Variants in STK40 observed in about 807,000 individuals in gnomAD.
STK40 encodes the protein serine/threonine kinase 40.
In STK40, 13 loss-of-function variants were observed where a neutral mutation model predicts 47.9. That is an observed-to-expected ratio of 0.27 (90% CI 0.18 to 0.43). The LOEUF (loss-of-function observed/expected upper bound fraction) is 0.43. STK40 is among the 20% of genes least tolerant of loss of function. The probability of loss-of-function intolerance (pLI) is 1.00; values close to 1 mark genes in which losing one functional copy is unlikely to be tolerated. For missense variants in STK40, 460 were observed against 595.1 expected, an observed-to-expected ratio of 0.77 and a Z score of 2.36; for synonymous variants, 225 against 243.2, an observed-to-expected ratio of 0.93 and a Z score of 0.69.
chr1:36,382,147 C>CA (rs1161536728), intron 1 of STK40, among the ~76,000 whole-genome samples: 2 of 152,016 alleles, frequency 1.3e-5, no homozygotes, highest in Non-Finnish European at 2.9e-5. Context: ...CAGGGACACA[C>CA]AGAGAAGAAA....
At chr1:36,358,123 A>G (rs1646820490) in intron 4 of STK40, 116 bp downstream of exon 4, 4 of 1,317,626 alleles carry the variant, frequency 3.0e-6, no homozygotes, top group Admixed American at 2.7e-5. Flanking sequence ...TGTACCTAGC[A>G]TGGCAGGGAC....
At chr1:36,358,476 CAT>C (rs1325568928) in intron 3 of STK40, 94 bp from the exon 4 acceptor site, 55 of 1,494,286 alleles carry the variant, frequency 3.7e-5, no homozygotes, top group Non-Finnish European at 4.8e-5. Context: ...CTTTTTACCA[CAT>C]GACATTTGTG....
intron 4 of STK40, among the ~76,000 whole-genome samples, chr1:36,356,870 A>C (rs1646810856): frequency 6.6e-6 from 1 of 152,194 alleles, no homozygotes; most frequent in Non-Finnish European, 1.5e-5. Flanking sequence ...AAGCTTCTGA[A>C]GATATCACAG....
At chr1:36,352,229 T>C (rs2124731528) in intron 6 of STK40, among the ~76,000 whole-genome samples, 1 of 152,310 alleles carries the variant, frequency 6.6e-6, no homozygotes, top group South Asian at 2.1e-4. Context: ...TCTCCAGAGA[T>C]GTGAGCCCAT....
chr1:36,385,700 C>G (rs972145220), intron 1 of STK40, 23 bp downstream of exon 1: 1 of 153,674 alleles, frequency 6.5e-6, no homozygotes, highest in Non-Finnish European at 1.4e-5. Context: ...CCCGGCTCCC[C>G]GCTCCTGGAC....
intron 1 of STK40, among the ~76,000 whole-genome samples, chr1:36,373,367 A>G (rs1214736492): frequency 6.6e-6 from 1 of 152,036 alleles, no homozygotes; most frequent in Non-Finnish European, 1.5e-5. Flanking sequence ...TGTTTCCCAG[A>G]TTCTCTCTTT....
At chr1:36,383,604 C>T (rs1305101666) in intron 1 of STK40, among the ~76,000 whole-genome samples, 2 of 152,254 alleles carry the variant, frequency 1.3e-5, no homozygotes, top group African/African-American at 2.4e-5. Flanking sequence ...CCCTCCTCTA[C>T]TGGGACTCCA....
chr1:36,380,277 G>C (rs995498444), intron 1 of STK40, among the ~76,000 whole-genome samples: 1 of 152,102 alleles, frequency 6.6e-6, no homozygotes, highest in African/African-American at 2.4e-5. Flanking sequence ...ACAAACCCAA[G>C]GACAAATCAT....
intron 1 of STK40, among the ~76,000 whole-genome samples, chr1:36,367,001 AT>A (rs1273810393): frequency 0.023 from 3,110 of 134,508 alleles, 80 homozygotes; most frequent in African/African-American, 0.072. Context: ...CACCCAGCTA[AT>A]TTTTTTTTTT....
In STK40 at chr1:36,361,223, A is replaced by G; in HGVS notation, c.110T>C (p.Leu37Pro). The change falls in exon 2 of 11, where the codon CTT becomes CCT. Residue 37 changes from leucine (L) to proline (P), a missense_variant and splice_region_variant. By Grantham distance (98) the Leu-to-Pro change is moderately conservative (BLOSUM62 -3). This residue lies in a region of STK40 where 277 missense variants were observed against 358.7 expected (regional missense o/e 0.77). Coordinates refer to ENST00000373132, the MANE Select transcript of STK40 (RefSeq NM_001282547.2). ...TTTCCCAAAGGTCAGAGGCTTACCA[A>G]GGATGAATGGTCCAGCTCTCTTTGC... ...NNAKRAGPFI[L>P]GPRLGNSPVP... 1 of 1,614,164 alleles carries G rather than the reference A, an allele frequency of 6.2e-7. No individual in the cohort carries two copies. The highest frequency in any genetic ancestry group is 1.1e-5 in the South Asian group (1 of 91,084).
At chr1:36,345,988 TATA>T (rs1265262657) in intron 7 of STK40, among the ~76,000 whole-genome samples, 4 of 28,216 alleles carry the variant, frequency 1.4e-4, no homozygotes, top group African/African-American at 2.1e-4. Flanking sequence ...TATATATATA[TATA>T]TTTTTTTTTT....
At chr1:36,372,378 A>G in intron 1 of STK40, among the ~76,000 whole-genome samples, 1 of 145,784 alleles carries the variant, frequency 6.9e-6, no homozygotes, top group East Asian at 2.0e-4. Context: ...TGCGTGAGCC[A>G]TGACAGCACC....
chr1:36,364,115 T>TC (rs563597065), intron 1 of STK40, among the ~76,000 whole-genome samples: 83 of 150,552 alleles, frequency 5.5e-4, no homozygotes, highest in Middle Eastern at 7.1e-3. Flanking sequence ...CGCACCACTG[T>TC]ACTCCAGCCT....
At chr1:36,343,824 G>A (rs557284870) in intron 9 of STK40, 36 bp downstream of exon 9, 69 of 1,542,688 alleles carry the variant, frequency 4.5e-5, no homozygotes, top group South Asian at 3.5e-4. Context: ...CCCTGAGGAC[G>A]CAGCCTTGTG....
intron 1 of STK40, among the ~76,000 whole-genome samples, chr1:36,378,703 C>A (rs182099776): frequency 6.6e-6 from 1 of 152,102 alleles, no homozygotes; most frequent in South Asian, 2.1e-4. Context: ...GTGATCTGCC[C>A]GCCTCGGCCT....
rs539981158 is a variant in STK40, at chr1:36,342,421, A to G, written c.1090-448T>C. ...CCCTGGGATGGTCTAGGCAGATGGTAACAGAAGCTGAAGTGGTGTCCCCGT... is the reference window on the plus strand; with the variant it reads ...CCCTGGGATGGTCTAGGCAGATGGTGACAGAAGCTGAAGTGGTGTCCCCGT... On this transcript the variant is annotated intron_variant, in intron 10 of 10. Transcript: ENST00000373132. The G allele has an allele frequency of 4.3e-4, 83 of 192,472 alleles. No homozygotes were observed. The South Asian group carries it at 7.1e-3, about 17-fold the overall frequency. 11.9% of individuals were successfully genotyped at this position (192,472 alleles called of 1,614,324 possible). A position where few individuals can be genotyped will look rare whatever the true frequency, so the allele number is the denominator to read the frequency against.
chr1:36,358,971 G>T, intron 2 of STK40, 149 bp from the exon 3 acceptor site: 2 of 745,942 alleles, frequency 2.7e-6, no homozygotes, highest in Non-Finnish European at 4.3e-6. Flanking sequence ...TCCTGGTGGA[G>T]AGTTTTCAAG....
At chr1:36,379,086 T>C (rs1647017196) in intron 1 of STK40, among the ~76,000 whole-genome samples, 1 of 152,210 alleles carries the variant, frequency 6.6e-6, no homozygotes, top group Non-Finnish European at 1.5e-5. Context: ...GTCCTGCTCT[T>C]GCCAATTCCC....
chr1:36,378,993 C>A (rs547179520), intron 1 of STK40, among the ~76,000 whole-genome samples: 3 of 152,300 alleles, frequency 2.0e-5, no homozygotes, highest in African/African-American at 7.2e-5. Context: ...AGGCGCTGAA[C>A]CGAGCTTCTC....
Sources: gnomAD v4.1 joint callset for allele counts (sites outside exome capture counted in the v4.1 genomes callset) on GRCh38, gnomAD v4.1.1 for gene constraint, gnomAD v4.1.1 regional missense constraint, MANE v1.5 for transcripts, NCBI Gene and HGNC (gene_info 2026-07-23, HGNC 2026-07-21) for gene names.